The following CRACR2A variants were observed in gnomAD, a reference collection of about 807,000 sequenced individuals.
CRACR2A encodes the protein calcium release activated channel regulator 2A, also known as EF-hand calcium-binding domain-containing protein 4B.
CRACR2A carries 79 observed loss-of-function variants against 90.5 expected under a neutral mutation model. The ratio of observed to expected loss-of-function variants is 0.87; its 90% CI spans 0.73 to 1.05. CRACR2A has a LOEUF of 1.05. Among genes scored for constraint, CRACR2A ranks in the 50% least tolerant of loss-of-function variants. The pLI is 0.00. For synonymous variants in CRACR2A, 338 were observed against 356.7 expected (o/e 0.95, Z 0.59); for missense variants, 823 against 897.2 (o/e 0.92, Z 1.06).
At chr12:3,698,796 G>A (rs1025257091) in intron 3 of CRACR2A, among the ~76,000 whole-genome samples, 3 of 152,172 alleles carry the variant, frequency 2.0e-5, no homozygotes, top group East Asian at 3.9e-4. Flanking sequence ...TGTTCAGCCC[G>A]CCTGCATGAA....
At chr12:3,677,081 C>T (rs1254362340) in intron 6 of CRACR2A, among the ~76,000 whole-genome samples, 1 of 152,080 alleles carries the variant, frequency 6.6e-6, no homozygotes, top group Non-Finnish European at 1.5e-5. Flanking sequence ...AGTGCAGATG[C>T]CCAGTCTCGA....
At chr12:3,736,309 G>C (rs879670747) in intron 1 of CRACR2A, among the ~76,000 whole-genome samples, 1 of 151,434 alleles carries the variant, frequency 6.6e-6, no homozygotes, top group Non-Finnish European at 1.5e-5. Context: ...AGCTGGTAGA[G>C]GTATCTAGGA....
intron 7 of CRACR2A, among the ~76,000 whole-genome samples, chr12:3,664,141 G>A (rs1370856223): frequency 6.6e-6 from 1 of 152,136 alleles, no homozygotes; most frequent in Non-Finnish European, 1.5e-5. Flanking sequence ...GCATCTGAGA[G>A]TTATTTAAAA....
At chr12:3,659,300 C>A (rs1944979154) in intron 8 of CRACR2A, among the ~76,000 whole-genome samples, 1 of 152,162 alleles carries the variant, frequency 6.6e-6, no homozygotes, top group Non-Finnish European at 1.5e-5. Context: ...TGTCTATGTG[C>A]TGAGGATACC....
At chr12:3,739,237 TG>T (rs1321562784) in intron 1 of CRACR2A, among the ~76,000 whole-genome samples, 1 of 152,252 alleles carries the variant, frequency 6.6e-6, no homozygotes, top group Non-Finnish European at 1.5e-5. Context: ...ATGCTTATAC[TG>T]GTATCTTGCT....
intron 4 of CRACR2A, among the ~76,000 whole-genome samples, chr12:3,694,488 G>A (rs990601688): frequency 6.6e-5 from 10 of 152,314 alleles, no homozygotes; most frequent in African/African-American, 1.9e-4. Flanking sequence ...TAAAAAAGGC[G>A]GTGGTGGCCA....
intron 15 of CRACR2A, among the ~76,000 whole-genome samples, chr12:3,632,508 C>T (rs1483457870): frequency 6.6e-6 from 1 of 152,160 alleles, no homozygotes; most frequent in Non-Finnish European, 1.5e-5. Flanking sequence ...CACAGCCCCT[C>T]CTGTCTGCAC....
chr12:3,641,817 T>C lies in CRACR2A; in HGVS notation c.1186A>G (p.Asn396Asp). ...CAACTTGCCCTGGAAGCAGCTGTGT[T>C]TGCCTTGGCTGCCTTATTTTTCTGT... ...CFQKNKAAKA[N>D]TAASRASWKK... Residue 396 changes from asparagine (N) to aspartate (D), a missense_variant, in exon 13 of 20, where the codon AAC becomes GAC. Coordinates refer to ENST00000440314, the MANE Select transcript of CRACR2A (RefSeq NM_001144958.2). 1 of 1,551,710 alleles carries C rather than the reference T, an allele frequency of 6.4e-7. No homozygotes were observed. Among genetic ancestry groups the C allele is most frequent in the Non-Finnish European group, 8.7e-7 (1 of 1,146,980 alleles).
chr12:3,722,457 G>C (rs563399086), intron 2 of CRACR2A, among the ~76,000 whole-genome samples: 8 of 152,196 alleles, frequency 5.3e-5, no homozygotes, highest in Non-Finnish European at 1.2e-4. Flanking sequence ...ACAGAAAGAA[G>C]TAAGGAGACT....
At chr12:3,639,702 G>C (rs754161221) in intron 13 of CRACR2A, among the ~76,000 whole-genome samples, 12 of 152,116 alleles carry the variant, frequency 7.9e-5, no homozygotes, top group Non-Finnish European at 1.5e-4. Flanking sequence ...GAAATTAACT[G>C]CGATTCTGCA....
chr12:3,676,909 C>T (rs1945345741), intron 6 of CRACR2A, among the ~76,000 whole-genome samples: 1 of 152,184 alleles, frequency 6.6e-6, no homozygotes, highest in African/African-American at 2.4e-5. Flanking sequence ...GCAGACCCAC[C>T]TGCTCCTCTT....
At chr12:3,637,220 G>A (rs80092181) in intron 14 of CRACR2A, among the ~76,000 whole-genome samples, 2,481 of 152,322 alleles carry the variant, frequency 0.016, 26 homozygotes, top group Middle Eastern at 0.031. Flanking sequence ...TAAGAACCAA[G>A]AGAAAAATGA....
At chr12:3,719,021 G>A (rs965400020) in intron 2 of CRACR2A, among the ~76,000 whole-genome samples, 1 of 152,204 alleles carries the variant, frequency 6.6e-6, no homozygotes, top group Admixed American at 6.5e-5. Flanking sequence ...CTGGGACCAG[G>A]TCAGGAGGGG....
chr12:3,653,272 C>G (rs534376581), intron 10 of CRACR2A, among the ~76,000 whole-genome samples: 1 of 152,148 alleles, frequency 6.6e-6, no homozygotes, highest in Non-Finnish European at 1.5e-5. Context: ...TGAGCCACCG[C>G]GCCTGGCCCA....
rs116321579 is a variant in CRACR2A, at chr12:3,682,459, T to C, written c.229-2110A>G. Among the ~76,000 whole-genome samples the C allele has an allele frequency of 1.3e-3, 201 of 152,310 alleles. 1 individual carries two copies. The highest frequency in any genetic ancestry group is 4.6e-3 in the African/African-American group (190 of 41,568). Reference sequence around the variant, plus strand: ...CCCTGTTGTCTAATCCCAGTTCTTGTCTACATCTCAAGTCAGTTTCCTCCT... The same window carrying C: ...CCCTGTTGTCTAATCCCAGTTCTTGCCTACATCTCAAGTCAGTTTCCTCCT... On this transcript the variant is annotated intron_variant, in intron 4 of 19. Transcript: ENST00000440314.
chr12:3,676,781 G>C (rs116652657), intron 6 of CRACR2A, among the ~76,000 whole-genome samples: 1 of 151,884 alleles, frequency 6.6e-6, no homozygotes, highest in Non-Finnish European at 1.5e-5. Flanking sequence ...ACTGAGACAC[G>C]CCACCATGAA....
At position 3,660,829 on chromosome 12, in the gene CRACR2A, A is replaced by AACAC. The variant is rs58293233; in HGVS notation, c.672-1179_672-1176dup. 5.1e-3 allele frequency among the ~76,000 whole-genome samples: 609 copies of AACAC among 119,692 alleles called. 6 individuals carry two copies. Among genetic ancestry groups the AACAC allele is most frequent in the South Asian group, 0.017 (51 of 3,028 alleles). 78.5% of individuals were successfully genotyped at this position (119,692 alleles called of 152,430 possible). A position where few individuals can be genotyped will look rare whatever the true frequency, so the allele number is the denominator to read the frequency against. ...CTATCAAGGCCTGTTCTGAACATGC[A>AACAC]ACACACACACACACACACACACACA... is the stretch of plus-strand genomic sequence containing the variant. On this transcript the variant is annotated intron_variant, in intron 7 of 19. Transcript: ENST00000440314.
chr12:3,733,529 C>T (rs933761165), intron 1 of CRACR2A, among the ~76,000 whole-genome samples: 1 of 152,088 alleles, frequency 6.6e-6, no homozygotes, highest in African/African-American at 2.4e-5. Context: ...TTTCCTGGCT[C>T]TTTTCCTCTG....
intron 15 of CRACR2A, 105 bp from the exon 16 acceptor site, chr12:3,627,811 G>A (rs979649053): frequency 1.8e-4 from 212 of 1,187,676 alleles, no homozygotes; most frequent in Non-Finnish European, 2.6e-4. Context: ...CAGGCCCAAG[G>A]TGACAACCCT....
Sources: allele counts gnomAD v4.1 joint callset (sites outside exome capture counted in the v4.1 genomes callset), GRCh38; gene constraint gnomAD v4.1.1; transcripts MANE v1.5; gene names NCBI Gene and HGNC (gene_info 2026-07-23, HGNC 2026-07-21).